The following PDE4D variants were observed in gnomAD, a reference collection of about 807,000 sequenced individuals.
The protein encoded by PDE4D is 3',5'-cyclic-AMP phosphodiesterase 4D.
A neutral mutation model predicts 87.4 loss-of-function variants in PDE4D; 24 were observed. The ratio of observed to expected loss-of-function variants is 0.27; its 90% CI spans 0.20 to 0.39. The LOEUF is 0.39. Ranked by LOEUF, PDE4D falls within the 10% of genes least tolerant of loss-of-function variation. PDE4D has a pLI of 1.00. For missense variants in PDE4D, 714 were observed against 1,041.0 expected, an observed-to-expected ratio of 0.69 and a Z score of 4.32; for synonymous variants, 384 against 383.2, an observed-to-expected ratio of 1.00 and a Z score of -0.02.
At chr5:60,334,062 C>T (rs1465466744) in intron 1 of PDE4D, among the ~76,000 whole-genome samples, 1 of 152,170 alleles carries the variant, frequency 6.6e-6, no homozygotes, top group African/African-American at 2.4e-5. Flanking sequence ...GCTGCCATAA[C>T]TGGATGTAGT....
At chr5:59,613,630 T>C (rs1169557860) in intron 1 of PDE4D, among the ~76,000 whole-genome samples, 1 of 152,124 alleles carries the variant, frequency 6.6e-6, no homozygotes, top group African/African-American at 2.4e-5. Context: ...GGGAATGAGA[T>C]GCCTTGAGAC....
intron 1 of PDE4D, among the ~76,000 whole-genome samples, chr5:59,704,779 G>A (rs371880578): frequency 1.3e-5 from 2 of 152,148 alleles, no homozygotes; most frequent in African/African-American, 2.4e-5. Context: ...CTTGAATGGC[G>A]TCTCTCACAT....
At chr5:58,992,456 A>C (rs1203040915) in intron 7 of PDE4D, among the ~76,000 whole-genome samples, 1 of 152,196 alleles carries the variant, frequency 6.6e-6, no homozygotes, top group East Asian at 1.9e-4. Context: ...ATGTCATGAA[A>C]ACAGCAGTAT....
intron 1 of PDE4D, among the ~76,000 whole-genome samples, chr5:60,485,673 A>G (rs1373730216): frequency 1.3e-5 from 2 of 150,810 alleles, no homozygotes; most frequent in Non-Finnish European, 2.9e-5. Flanking sequence ...AATTGAGAGG[A>G]GTGGATAGAA....
chr5:59,144,892 G>GCGGGGGC, intron 5 of PDE4D, among the ~76,000 whole-genome samples: 1 of 69,516 alleles, frequency 1.4e-5, no homozygotes, highest in Admixed American at 1.6e-4. Context: ...GGGTTTAATG[G>GCGGGGGC]GGGGGGGGGG....
At chr5:59,794,872 A>G (rs560350325) in intron 1 of PDE4D, among the ~76,000 whole-genome samples, 36 of 152,284 alleles carry the variant, frequency 2.4e-4, no homozygotes, top group African/African-American at 8.4e-4. Flanking sequence ...AGATAGGCCC[A>G]GACAGTGGGC....
chr5:59,076,691 T>A (rs1765729797), intron 5 of PDE4D, among the ~76,000 whole-genome samples: 1 of 152,144 alleles, frequency 6.6e-6, no homozygotes, highest in Admixed American at 6.6e-5. Context: ...TAAAACTCAA[T>A]CAATGCCTTG....
intron 1 of PDE4D, among the ~76,000 whole-genome samples, chr5:60,506,596 A>AT (rs950370525): frequency 4.0e-5 from 6 of 151,572 alleles, no homozygotes; most frequent in Admixed American, 1.3e-4. Flanking sequence ...AGAATTTAGT[A>AT]TTTTTTTTTA....
At position 58,969,949 on chromosome 5, in the gene PDE4D, AGTACTAAC is replaced by A. The variant is rs1319356686; in HGVS notation, c.*4707_*4714del. ...TTGGCTTTATTTGGTTATGAATATC[AGTACTAAC>A]TTATGATGTCACTATCCTTTCATTT... On this transcript the variant is annotated 3_prime_UTR_variant, in exon 15 of 15. Coordinates refer to ENST00000340635, the MANE Select transcript of PDE4D (RefSeq NM_001104631.2). 7.9e-5 allele frequency: 12 copies of A among 152,280 alleles called. No individual in the cohort carries two copies. The highest frequency in any genetic ancestry group is 2.9e-4 in the African/African-American group (12 of 41,558). The allele number at this position is 152,280 out of a possible 1,614,324, so 9.4% of individuals were successfully genotyped here.
At chr5:59,342,312 A>G (rs1027030223) in intron 1 of PDE4D, among the ~76,000 whole-genome samples, 4 of 152,108 alleles carry the variant, frequency 2.6e-5, no homozygotes, top group African/African-American at 9.7e-5. Flanking sequence ...TTCATTCCTT[A>G]TCTCTGACAA....
chr5:59,931,937 G>A (rs566799799), intron 3 of PDE4D, among the ~76,000 whole-genome samples: 231 of 151,978 alleles, frequency 1.5e-3, no homozygotes, highest in Non-Finnish European at 1.6e-3. Flanking sequence ...TCCTGACCTC[G>A]TAATCTGCCC....
chr5:59,879,027 T>C (rs1466351393), intron 1 of PDE4D, among the ~76,000 whole-genome samples: 1 of 147,432 alleles, frequency 6.8e-6, no homozygotes, highest in Admixed American at 7.0e-5. Flanking sequence ...GCCTCCCAAA[T>C]AGCTGGGATT....
At position 59,353,814 on chromosome 5, in the gene PDE4D, C is replaced by A. The variant is rs114527078; in HGVS notation, c.456-137846G>T. ...CAAACTTAATAAGCTATATATTAAT[C>A]TTTTCTTATAAAAATGTATTTTACC... On this transcript the variant is annotated intron_variant, in intron 1 of 14. Coordinates refer to ENST00000340635, the MANE Select transcript of PDE4D (RefSeq NM_001104631.2). Among the ~76,000 whole-genome samples the A allele has an allele frequency of 5.4e-3, 826 of 151,998 alleles. 13 individuals carry two copies. The highest frequency in any genetic ancestry group is 0.019 in the African/African-American group (793 of 41,434).
chr5:60,015,680 C>T (rs1765435978), intron 2 of PDE4D, among the ~76,000 whole-genome samples: 2 of 152,004 alleles, frequency 1.3e-5, no homozygotes, highest in African/African-American at 4.8e-5. Flanking sequence ...ATAGAGTACC[C>T]TCCATAATGT....
chr5:59,888,933 A>T (rs1003743144), intron 1 of PDE4D, among the ~76,000 whole-genome samples: 3 of 152,124 alleles, frequency 2.0e-5, no homozygotes, highest in African/African-American at 4.8e-5. Flanking sequence ...TAACATATTT[A>T]AAAAACTAAT....
chr5:60,108,198 A>G (rs1346176173), intron 2 of PDE4D, among the ~76,000 whole-genome samples: 1 of 151,844 alleles, frequency 6.6e-6, no homozygotes, highest in Non-Finnish European at 1.5e-5. Flanking sequence ...AATCACAAGC[A>G]TTCTTATACA....
chr5:59,804,873 C>T (rs368053651), intron 1 of PDE4D, among the ~76,000 whole-genome samples: 3 of 152,136 alleles, frequency 2.0e-5, no homozygotes, highest in African/African-American at 7.2e-5. Flanking sequence ...CTCACTGCAA[C>T]CTCTGCCTCC....
intron 1 of PDE4D, among the ~76,000 whole-genome samples, chr5:59,497,233 T>C (rs1807385663): frequency 6.6e-6 from 1 of 151,968 alleles, no homozygotes; most frequent in South Asian, 2.1e-4. Flanking sequence ...AAGCATCAGC[T>C]CTCTCAGATG....
intron 2 of PDE4D, among the ~76,000 whole-genome samples, chr5:59,205,014 G>A (rs1748426305): frequency 1.3e-5 from 2 of 152,234 alleles, no homozygotes; most frequent in South Asian, 4.1e-4. Context: ...TTAAATGGAT[G>A]CTCATATTCC....
Sources: allele counts gnomAD v4.1 joint callset (sites outside exome capture counted in the v4.1 genomes callset), GRCh38; gene constraint gnomAD v4.1.1; transcripts MANE v1.5; gene names NCBI Gene and HGNC (gene_info 2026-07-23, HGNC 2026-07-21).